The following KCNAB1 variants were observed in gnomAD, a reference collection of about 807,000 sequenced individuals.
The protein encoded by KCNAB1 is potassium voltage-gated channel subfamily A regulatory beta subunit 1, also known as voltage-gated potassium channel subunit beta-1.
A neutral mutation model predicts 64.6 loss-of-function variants in KCNAB1; 35 were observed. That is an observed-to-expected ratio of 0.54 (90% CI 0.41 to 0.72). The LOEUF (loss-of-function observed/expected upper bound fraction) is 0.72. KCNAB1 is among the 30% of genes least tolerant of loss of function. The pLI, the probability that KCNAB1 is intolerant of heterozygous loss-of-function variation, is 0.00. For missense variants in KCNAB1, 401 were observed against 512.9 expected (o/e 0.78, Z 2.11); for synonymous variants, 177 against 183.8 (o/e 0.96, Z 0.30).
intron 1 of KCNAB1, among the ~76,000 whole-genome samples, chr3:156,325,696 T>C (rs906171120): frequency 1.3e-4 from 19 of 151,998 alleles, no homozygotes; most frequent in Non-Finnish European, 2.5e-4. Context: ...CTCACACCTG[T>C]AATCCCATCT....
chr3:156,249,337 T>C (rs942758441), intron 1 of KCNAB1, among the ~76,000 whole-genome samples: 1 of 151,862 alleles, frequency 6.6e-6, no homozygotes, highest in Non-Finnish European at 1.5e-5. Context: ...CCGAGGCAGA[T>C]GGATCACCTG....
chr3:156,324,549 C>A (rs1002183843), intron 1 of KCNAB1, among the ~76,000 whole-genome samples: 2 of 152,080 alleles, frequency 1.3e-5, no homozygotes, highest in African/African-American at 4.8e-5. Flanking sequence ...CTACTTTGTG[C>A]CAAGGATGCT....
intron 1 of KCNAB1, among the ~76,000 whole-genome samples, chr3:156,190,209 G>C (rs1305023300): frequency 6.6e-6 from 1 of 152,240 alleles, no homozygotes; most frequent in East Asian, 1.9e-4. Context: ...CCTTCCGCCT[G>C]CTCCCCCAGT....
chr3:156,333,523 G>A (rs917214040), intron 1 of KCNAB1, among the ~76,000 whole-genome samples: 1 of 151,822 alleles, frequency 6.6e-6, no homozygotes, highest in African/African-American at 2.4e-5. Flanking sequence ...AATTGACGTA[G>A]AGACTTCATA....
intron 1 of KCNAB1, among the ~76,000 whole-genome samples, chr3:156,308,727 G>T (rs111384871): frequency 0.023 from 3,436 of 152,316 alleles, 67 homozygotes; most frequent in African/African-American, 0.056. Context: ...TTGTTAAGAG[G>T]ATTGAATGGA....
At chr3:156,496,245 G>T (rs1477936329) in intron 8 of KCNAB1, among the ~76,000 whole-genome samples, 2 of 152,054 alleles carry the variant, frequency 1.3e-5, no homozygotes, top group Non-Finnish European at 2.9e-5. Flanking sequence ...GATACGGTTT[G>T]GCTGTGTCCC....
At chr3:156,229,102 T>C (rs934168890) in intron 1 of KCNAB1, among the ~76,000 whole-genome samples, 1 of 152,190 alleles carries the variant, frequency 6.6e-6, no homozygotes, top group African/African-American at 2.4e-5. Context: ...TGAAACTCTG[T>C]TTTAAAAAGA....
chr3:156,319,115 T>C (rs1722486647), intron 1 of KCNAB1, among the ~76,000 whole-genome samples: 1 of 152,106 alleles, frequency 6.6e-6, no homozygotes, highest in Admixed American at 6.6e-5. Flanking sequence ...AAAAGATAAG[T>C]TGCAAGGGAA....
intron 8 of KCNAB1, among the ~76,000 whole-genome samples, chr3:156,488,511 A>G (rs897552766): frequency 6.6e-6 from 1 of 152,236 alleles, no homozygotes; most frequent in East Asian, 1.9e-4. Context: ...TCAAGGACAT[A>G]GATGTGGCTG....
intron 1 of KCNAB1, among the ~76,000 whole-genome samples, chr3:156,146,814 G>A (rs1017789595): frequency 2.0e-5 from 3 of 152,158 alleles, no homozygotes; most frequent in Admixed American, 2.0e-4. Flanking sequence ...CACTAAAAAT[G>A]TAAAAATCAT....
At chr3:156,286,035 T>G (rs1720082806) in intron 1 of KCNAB1, among the ~76,000 whole-genome samples, 1 of 152,232 alleles carries the variant, frequency 6.6e-6, no homozygotes, top group Non-Finnish European at 1.5e-5. Flanking sequence ...AAAATCTGTA[T>G]TAAGCCTGCC....
chr3:156,457,663 G>A, intron 4 of KCNAB1, 131 bp downstream of exon 4: 1 of 750,668 alleles, frequency 1.3e-6, no homozygotes, highest in Non-Finnish European at 2.3e-6. Context: ...GCTCTGTTCT[G>A]CCCTCTACCA....
chr3:156,465,834 T>C, intron 7 of KCNAB1, 148 bp downstream of exon 7: 1 of 682,966 alleles, frequency 1.5e-6, no homozygotes, highest in South Asian at 1.8e-5. Flanking sequence ...TGGGGTTAAA[T>C]ATAGGGAATG....
intron 1 of KCNAB1, among the ~76,000 whole-genome samples, chr3:156,305,454 A>C (rs961789608): frequency 2.3e-4 from 35 of 152,302 alleles, no homozygotes; most frequent in African/African-American, 8.4e-4. Flanking sequence ...GCATTACAAT[A>C]CAACCCTTTT....
chr3:156,363,012 A>G (rs1179151807), intron 1 of KCNAB1, among the ~76,000 whole-genome samples: 1 of 152,212 alleles, frequency 6.6e-6, no homozygotes, highest in East Asian at 1.9e-4. Flanking sequence ...CAGAGCTGCC[A>G]CAGAAAGAGC....
rs185321164 is a variant in KCNAB1 at position 156,261,591 on chromosome 3, T to C, written c.275+140705T>C. 4.5e-4 allele frequency among the ~76,000 whole-genome samples: 69 copies of C among 152,184 alleles called. 1 individual carries two copies. Among genetic ancestry groups the C allele is most frequent in the Admixed American group, 3.1e-3 (48 of 15,302 alleles). ...TTATTACTAAGTCTCAGTTCTCTCCTATTAATCTATATACTTATCCTTTGC... is the reference window on the plus strand; with the variant it reads ...TTATTACTAAGTCTCAGTTCTCTCCCATTAATCTATATACTTATCCTTTGC... On this transcript the variant is annotated intron_variant, in intron 1 of 13. Transcript: ENST00000490337.
chr3:156,444,077 G>C (rs1033022012), intron 2 of KCNAB1, among the ~76,000 whole-genome samples: 1 of 152,198 alleles, frequency 6.6e-6, no homozygotes, highest in African/African-American at 2.4e-5. Flanking sequence ...AAAAATGAAA[G>C]ACCAGGCTGC....
chr3:156,422,138 A>G (rs1255231934), intron 2 of KCNAB1, among the ~76,000 whole-genome samples: 2 of 152,238 alleles, frequency 1.3e-5, no homozygotes, highest in African/African-American at 2.4e-5. Flanking sequence ...ACATAAACAC[A>G]TGTACATTAA....
chr3:156,168,410 T>C lies in KCNAB1; in HGVS notation c.275+47524T>C, dbSNP rs1257137692. On this transcript the variant is annotated intron_variant, in intron 1 of 13. Transcript: ENST00000490337. The stretch of plus-strand genomic sequence containing the variant: ...GAATACGGTTTTAAAATTTAAAAAA[T>C]TTAAAAGGCTGTAGGAAGCATTCCA... Among the ~76,000 whole-genome samples, 5 of 152,250 alleles carry C rather than the reference T, an allele frequency of 3.3e-5. No individual in the cohort carries two copies. The East Asian group carries it at 9.6e-4, about 29-fold the overall frequency.
Sources: gnomAD v4.1 joint callset for allele counts (sites outside exome capture counted in the v4.1 genomes callset) on GRCh38, gnomAD v4.1.1 for gene constraint, MANE v1.5 for transcripts, NCBI Gene and HGNC (gene_info 2026-07-23, HGNC 2026-07-21) for gene names.